Variants in CTDSP1 observed in about 807,000 individuals in gnomAD.
CTDSP1 encodes the protein CTD small phosphatase 1.
In CTDSP1, 15 loss-of-function variants were observed where a neutral mutation model predicts 32.5. The observed-to-expected ratio is 0.46, with a 90% confidence interval of 0.31 to 0.71. The LOEUF (loss-of-function observed/expected upper bound fraction) is 0.71, where lower values mean the gene tolerates loss of function less well. Ranked by LOEUF, CTDSP1 falls within the 30% of genes least tolerant of loss-of-function variation. CTDSP1 has a pLI of 0.05. For synonymous variants in CTDSP1, 185 were observed against 145.4 expected (o/e 1.27, Z -1.96); for missense variants, 294 against 351.1 (o/e 0.84, Z 1.30).
At chr2:218,402,529 G>T in intron 4 of CTDSP1, 124 bp downstream of exon 4, 1 of 1,023,980 alleles carries the variant, frequency 9.8e-7, no homozygotes. Flanking sequence ...GCCCAGAGAG[G>T]GTGTGAGACT....
upstream of CTDSP1, chr2:218,396,693 T>C (rs79089524): frequency 1.2e-3 from 183 of 152,614 alleles, 1 homozygote; most frequent in East Asian, 0.028. Flanking sequence ...AGAAGATGGG[T>C]CCATGCCAGC....
chr2:218,402,830 C>T, intron 4 of CTDSP1: 1 of 675,440 alleles, frequency 1.5e-6, no homozygotes, highest in Non-Finnish European at 2.7e-6. Flanking sequence ...GTAGGACTGG[C>T]CAGTGGAGTG....
chr2:218,402,073 GGA>G (rs1559136647), intron 2 of CTDSP1, 36 bp from the exon 3 acceptor site: 1 of 1,440,302 alleles, frequency 6.9e-7, no homozygotes, highest in Non-Finnish European at 9.7e-7. Flanking sequence ...GACCAGGCCC[GGA>G]GAGAGGCACC....
chr2:218,402,455 C>T (rs1559137173), intron 4 of CTDSP1, 50 bp downstream of exon 4: 2 of 1,559,030 alleles, frequency 1.3e-6, no homozygotes, highest in East Asian at 2.2e-5. Flanking sequence ...CCTCCAGACC[C>T]TAGGCTCTTC....
upstream of CTDSP1, chr2:218,399,683 C>T (rs1005712614): frequency 3.1e-6 from 3 of 961,664 alleles, no homozygotes; most frequent in East Asian, 1.1e-4. Flanking sequence ...TCAGCCCCGC[C>T]GGCGGGCGGC....
Position 218,404,717 on chromosome 2 carries a change from A to G in CTDSP1, c.*292A>G. ...TTTTTCTGTCTCTGTCCATGCTGCC[A>G]TGTTTCTCTGCTGCCAAATTGGGCC... On this transcript the variant is annotated 3_prime_UTR_variant, in exon 7 of 7. Transcript: ENST00000273062. The G allele has an allele frequency of 5.9e-6, 2 of 340,086 alleles. No homozygotes were observed. The highest frequency in any genetic ancestry group is 5.5e-5 in the South Asian group (1 of 18,258). The allele number at this position is 340,086 out of a possible 1,614,324, so 21.1% of individuals were successfully genotyped here.
intron 1 of CTDSP1, chr2:218,400,984 G>A (rs1559135585): frequency 6.8e-6 from 3 of 440,016 alleles, no homozygotes; most frequent in East Asian, 7.1e-5. Flanking sequence ...GGGGGGTGGG[G>A]TGGGAGGGGT....
chr2:218,401,843 G>C, intron 2 of CTDSP1, 131 bp downstream of exon 2: 18 of 893,900 alleles, frequency 2.0e-5, no homozygotes, highest in Non-Finnish European at 2.8e-5. Flanking sequence ...GAGGGTGGCA[G>C]CCTCCCCTGC....
chr2:218,398,744 C>T (rs1436564233), upstream of CTDSP1: 8 of 292,166 alleles, frequency 2.7e-5, no homozygotes, highest in African/African-American at 4.4e-5. Flanking sequence ...GGGTGTTTGT[C>T]GGGCTTGGCA....
upstream of CTDSP1, among the ~76,000 whole-genome samples, chr2:218,397,885 G>A (rs373769591): frequency 2.0e-5 from 3 of 152,190 alleles, no homozygotes; most frequent in Non-Finnish European, 4.4e-5. Context: ...CCTGGGAGGA[G>A]GAGTTAGGTC....
In CTDSP1 at chr2:218,405,479, C is replaced by T. The variant is rs936678229; in HGVS notation, c.*1054C>T. The T allele has an allele frequency of 6.5e-6, 1 of 152,692 alleles. No homozygotes were observed. The highest frequency in any genetic ancestry group is 1.5e-5 in the Non-Finnish European group (1 of 68,182). 9.5% of individuals were successfully genotyped at this position (152,692 alleles called of 1,614,324 possible). A position where few individuals can be genotyped will look rare whatever the true frequency, so the allele number is the denominator to read the frequency against. On this transcript the variant is annotated 3_prime_UTR_variant, in exon 7 of 7. Coordinates refer to ENST00000273062, the MANE Select transcript of CTDSP1 (RefSeq NM_021198.3). ...AAGTGTGTGTGGGGGGTCTCTACGC[C>T]AGCTCATCAGTGCCTCCTTGCCCAT...
In CTDSP1 at chr2:218,401,758, T is replaced by C. The variant is rs376873930; in HGVS notation, c.216+46T>C. ...GCCACGGGGGCACCTGGACTCAGTC[T>C]TCAGGGCTTTAGGGGAAGGGGCTCC... On this transcript the variant is annotated intron_variant, in intron 2 of 6. Coordinates refer to ENST00000273062, the MANE Select transcript of CTDSP1 (RefSeq NM_021198.3). 13 of 1,495,912 alleles carry C rather than the reference T, an allele frequency of 8.7e-6. No homozygotes were observed. The African/African-American group carries it at 1.5e-4, about 18-fold the overall frequency. 92.7% of individuals were successfully genotyped at this position (1,495,912 alleles called of 1,614,324 possible).
At chr2:218,403,980 A>G (rs1327904673) in intron 6 of CTDSP1, among the ~76,000 whole-genome samples, 1 of 152,046 alleles carries the variant, frequency 6.6e-6, no homozygotes, top group African/African-American at 2.4e-5. Context: ...GTATCACTTG[A>G]GCCCTGGAGG....
chr2:218,397,365 T>G (rs962543678), upstream of CTDSP1, among the ~76,000 whole-genome samples: 1 of 151,976 alleles, frequency 6.6e-6, no homozygotes, highest in African/African-American at 2.4e-5. Flanking sequence ...GGGTGCAGAG[T>G]TGCTCTTCTG....
chr2:218,400,644 C>T (rs527259966), intron 1 of CTDSP1: 20 of 430,530 alleles, frequency 4.6e-5, no homozygotes, highest in South Asian at 3.1e-4. Context: ...CGCCAACACA[C>T]AGCTACGTTC....
Position 218,400,247 on chromosome 2 carries a change from G to A in CTDSP1, c.67+90G>A, listed in dbSNP as rs1697043985. The A allele has an allele frequency of 3.3e-6, 4 of 1,217,284 alleles. No homozygotes were observed. The East Asian group carries it at 7.7e-5, about 24-fold the overall frequency. 75.4% of individuals were successfully genotyped at this position (1,217,284 alleles called of 1,614,324 possible). On this transcript the variant is annotated intron_variant, in intron 1 of 6. Transcript: ENST00000273062. ...CTTCCCCAGGGGAGCCGCCGCCGCC[G>A]CCCCGGGCGGCCGCCTTAGCTGTGC...
upstream of CTDSP1, chr2:218,399,108 G>C (rs1696965983): frequency 6.6e-6 from 1 of 152,266 alleles, no homozygotes; most frequent in Non-Finnish European, 1.5e-5. Flanking sequence ...AAGGCCCCTG[G>C]AGAAGGTGGC....
intron 4 of CTDSP1, 33 bp downstream of exon 4, chr2:218,402,438 G>C (rs767601296): frequency 3.8e-6 from 6 of 1,591,922 alleles, no homozygotes; most frequent in African/African-American, 1.3e-5. Flanking sequence ...GGTGGGCTTG[G>C]CATCTGCCTC....
At chr2:218,402,529 G>A (rs997375985) in intron 4 of CTDSP1, 124 bp downstream of exon 4, 27 of 1,023,860 alleles carry the variant, frequency 2.6e-5, no homozygotes, top group Non-Finnish European at 3.4e-5. Flanking sequence ...GCCCAGAGAG[G>A]GTGTGAGACT....
Sources: gnomAD v4.1 joint callset for allele counts (sites outside exome capture counted in the v4.1 genomes callset) on GRCh38, gnomAD v4.1.1 for gene constraint, MANE v1.5 for transcripts, NCBI Gene and HGNC (gene_info 2026-07-23, HGNC 2026-07-21) for gene names.